The following SYNPR variants were observed in gnomAD, a reference collection of about 807,000 sequenced individuals.
SYNPR encodes the protein synaptoporin.
Under a neutral mutation model 32.9 loss-of-function variants are expected in SYNPR, and 23 were observed. The observed-to-expected ratio is 0.70, with a 90% CI of 0.50 to 0.99. The LOEUF (loss-of-function observed/expected upper bound fraction) is 0.99. SYNPR is among the 50% of genes least tolerant of loss of function. The probability of loss-of-function intolerance (pLI) is 0.00; values close to 1 mark genes in which losing one functional copy is unlikely to be tolerated. For missense variants in SYNPR, 318 were observed against 349.3 expected (o/e 0.91, Z 0.71); for synonymous variants, 146 against 135.9 (o/e 1.07, Z -0.52).
intron 2 of SYNPR, among the ~76,000 whole-genome samples, chr3:63,407,699 A>AGGT (rs1322317827): frequency 6.6e-6 from 1 of 152,114 alleles, no homozygotes; most frequent in African/African-American, 2.4e-5. Flanking sequence ...TTCCCTTGAG[A>AGGT]GGTGGATCCA....
At position 63,615,408 on chromosome 3, in the gene SYNPR, C is replaced by T. The variant is rs201956326; in HGVS notation, c.785C>T (p.Ala262Val). Residue 262 changes from alanine (A) to valine (V), a missense_variant, in exon 6 of 6, where the codon GCG becomes GTG. Transcript: ENST00000478300. ...YGSSSGYSQQ[A>V]SLGPTSDEFG... is the part of the protein sequence containing the mutation. Reference sequence around the variant, plus strand: ...TCAAGCAGTGGGTACAGTCAGCAGGCGAGTTTGGGGCCAACCTCAGATGAG... The same window carrying T: ...TCAAGCAGTGGGTACAGTCAGCAGGTGAGTTTGGGGCCAACCTCAGATGAG... 55 of 1,613,748 alleles carry T rather than the reference C, an allele frequency of 3.4e-5. No homozygotes were observed. The highest frequency in any genetic ancestry group is 8.3e-5 in the Admixed American group (5 of 59,980).
rs190650385 is a variant in SYNPR, at chr3:63,409,595, A to G, written c.85-71237A>G. Among the ~76,000 whole-genome samples the G allele has an allele frequency of 1.4e-4, 22 of 152,258 alleles. 1 individual carries two copies. The Middle Eastern group carries it at 0.01, about 71-fold the overall frequency. Reference sequence around the variant, plus strand: ...CTCCTAAAATTCACACACTCCTTATATCATAATGCTCCTTATAAATTTCAC... The same window carrying G: ...CTCCTAAAATTCACACACTCCTTATGTCATAATGCTCCTTATAAATTTCAC... On this transcript the variant is annotated intron_variant, in intron 2 of 5. Coordinates refer to ENST00000478300, the MANE Select transcript of SYNPR (RefSeq NM_001130003.2).
In SYNPR at chr3:63,318,160, G is replaced by C. The variant is rs1240594123; in HGVS notation, c.84+39418G>C. On this transcript the variant is annotated intron_variant, in intron 2 of 5. Transcript: ENST00000478300. ...ATAGGTTTTCCTTTATAGGTTACCT[G>C]GTGCTTCTGTCTCACAGCTTTTAAG... is the stretch of plus-strand genomic sequence containing the variant. Among the ~76,000 whole-genome samples the C allele has an allele frequency of 2.0e-5, 3 of 152,104 alleles. No individual in the cohort carries two copies. In the East Asian group the frequency reaches 5.8e-4, roughly 30 times the overall value.
Position 63,469,862 on chromosome 3 carries a change from G to T in SYNPR, c.85-10970G>T, listed in dbSNP as rs549519927. Among the ~76,000 whole-genome samples the T allele has an allele frequency of 3.3e-5, 5 of 152,136 alleles. No homozygotes were observed. In the South Asian group the frequency reaches 1.0e-3, roughly 31 times the overall value. On this transcript the variant is annotated intron_variant, in intron 2 of 5. Transcript: ENST00000478300. ...CTCTGTAAATATAATAAATTTGAAA[G>T]TACTATTGAAGATAATTCCAAAGGG...
At chr3:63,374,671 G>A in intron 2 of SYNPR, among the ~76,000 whole-genome samples, 1 of 152,264 alleles carries the variant, frequency 6.6e-6, no homozygotes, top group East Asian at 1.9e-4. Flanking sequence ...ATCTTTCAGG[G>A]TTTCCAGTTA....
intron 2 of SYNPR, among the ~76,000 whole-genome samples, chr3:63,450,799 G>A (rs1337475791): frequency 6.6e-6 from 1 of 152,168 alleles, no homozygotes; most frequent in Admixed American, 6.5e-5. Flanking sequence ...GCTTTGCCAG[G>A]AGATGGGGCT....
At chr3:63,204,888 A>G in the SYNPR span, among the ~76,000 whole-genome samples, 1 of 152,048 alleles carries the variant, frequency 6.6e-6, no homozygotes, top group African/African-American at 2.4e-5. Flanking sequence ...AGGTTTTGCC[A>G]TCATGGCCAG....
intron 3 of SYNPR, among the ~76,000 whole-genome samples, chr3:63,546,137 G>C (rs1000048894): frequency 2.0e-5 from 3 of 152,056 alleles, no homozygotes; most frequent in Admixed American, 6.6e-5. Flanking sequence ...ATTTTAATTT[G>C]ACAACGTAGA....
intron 2 of SYNPR, among the ~76,000 whole-genome samples, chr3:63,346,781 CCT>C (rs1370442700): frequency 2.0e-5 from 3 of 152,102 alleles, no homozygotes; most frequent in African/African-American, 7.2e-5. Context: ...AATTTATTTG[CCT>C]CTCTTTTTAC....
intron 2 of SYNPR, among the ~76,000 whole-genome samples, chr3:63,318,700 C>T (rs2087072023): frequency 6.6e-6 from 1 of 151,918 alleles, no homozygotes; most frequent in Non-Finnish European, 1.5e-5. Context: ...TGGGCTTTGC[C>T]TTTCTCTAGT....
At chr3:63,493,511 G>A (rs1441630980) in intron 3 of SYNPR, among the ~76,000 whole-genome samples, 2 of 151,960 alleles carry the variant, frequency 1.3e-5, no homozygotes, top group African/African-American at 4.8e-5. Context: ...CGTGTAGAAA[G>A]CTCATTTAAA....
intron 3 of SYNPR, among the ~76,000 whole-genome samples, chr3:63,534,204 A>G (rs1312122175): frequency 2.6e-5 from 4 of 152,166 alleles, no homozygotes; most frequent in Admixed American, 2.0e-4. Flanking sequence ...GAAAAAAAAG[A>G]CCAAATAAAT....
chr3:63,444,839 C>T (rs1575647618), intron 2 of SYNPR, among the ~76,000 whole-genome samples: 1 of 152,018 alleles, frequency 6.6e-6, no homozygotes, highest in South Asian at 2.1e-4. Context: ...TCCCCCAAAC[C>T]CACCCAAGTT....
chr3:63,360,082 C>A (rs1267705633), intron 2 of SYNPR, among the ~76,000 whole-genome samples: 1 of 152,154 alleles, frequency 6.6e-6, no homozygotes, highest in African/African-American at 2.4e-5. Flanking sequence ...GTGACATCTC[C>A]ACCAAAATGG....
intron 2 of SYNPR, among the ~76,000 whole-genome samples, chr3:63,469,203 G>T (rs1347951962): frequency 6.6e-6 from 1 of 152,104 alleles, no homozygotes; most frequent in South Asian, 2.1e-4. Flanking sequence ...TATAAGGGGA[G>T]GAGGAAGTTG....
chr3:63,565,231 A>G (rs1161429909), intron 4 of SYNPR, among the ~76,000 whole-genome samples: 1 of 152,066 alleles, frequency 6.6e-6, no homozygotes, highest in Non-Finnish European at 1.5e-5. Flanking sequence ...GGAGGTGACA[A>G]TTTTGCCCCT....
At chr3:63,578,367 T>A (rs975077626) in intron 4 of SYNPR, among the ~76,000 whole-genome samples, 3 of 152,140 alleles carry the variant, frequency 2.0e-5, no homozygotes, top group South Asian at 4.1e-4. Context: ...AGCTGATACA[T>A]GCAGGTGAAG....
chr3:63,334,638 T>A (rs4234675), intron 2 of SYNPR, among the ~76,000 whole-genome samples: 1 of 151,662 alleles, frequency 6.6e-6, no homozygotes, highest in East Asian at 2.0e-4. Flanking sequence ...GCTGGCTGCC[T>A]GAAAAGGAAA....
intron 3 of SYNPR, among the ~76,000 whole-genome samples, chr3:63,484,927 T>C (rs1453811046): frequency 6.6e-6 from 1 of 152,096 alleles, no homozygotes; most frequent in Admixed American, 6.5e-5. Flanking sequence ...TTGAATTCCT[T>C]ATAAGTTGAA....
Sources: allele counts gnomAD v4.1 joint callset (sites outside exome capture counted in the v4.1 genomes callset), GRCh38; gene constraint gnomAD v4.1.1; transcripts MANE v1.5; gene names NCBI Gene and HGNC (gene_info 2026-07-23, HGNC 2026-07-21).